GLCE: variants seen among roughly 807,000 people sequenced by gnomAD.
GLCE encodes the protein D-glucuronyl C5-epimerase.
GLCE carries 19 observed loss-of-function variants against 47.9 expected under a neutral mutation model. The observed-to-expected ratio is 0.40, with a 90% CI of 0.28 to 0.58. The LOEUF is 0.58. GLCE is among the 20% of genes least tolerant of loss of function. GLCE has a pLI of 0.48. For synonymous variants in GLCE, 245 were observed against 263.4 expected, an observed-to-expected ratio of 0.93 and a Z score of 0.68; for missense variants, 556 against 743.3, an observed-to-expected ratio of 0.75 and a Z score of 2.93.
chr15:69,192,067 A>T (rs1004934509), intron 1 of GLCE, among the ~76,000 whole-genome samples: 1 of 152,130 alleles, frequency 6.6e-6, no homozygotes, highest in Admixed American at 6.6e-5. Flanking sequence ...ATCCTGCTAG[A>T]TATTGCTTGA....
At chr15:69,255,513 G>C (rs1483173684) in intron 2 of GLCE, among the ~76,000 whole-genome samples, 1 of 152,056 alleles carries the variant, frequency 6.6e-6, no homozygotes, top group Non-Finnish European at 1.5e-5. Flanking sequence ...GGCCTAGGGG[G>C]CATTGTGAAA....
At chr15:69,192,545 T>C (rs1176935543) in intron 1 of GLCE, among the ~76,000 whole-genome samples, 1 of 152,138 alleles carries the variant, frequency 6.6e-6, no homozygotes, top group African/African-American at 2.4e-5. Flanking sequence ...TATTGACTGT[T>C]TTTCTAGTTC....
chr15:69,177,995 T>A (rs1566947914), intron 1 of GLCE, among the ~76,000 whole-genome samples: 1 of 152,246 alleles, frequency 6.6e-6, no homozygotes, highest in East Asian at 1.9e-4. Context: ...AAATTTATCA[T>A]TCATTTGCTG....
intron 4 of GLCE, among the ~76,000 whole-genome samples, chr15:69,264,627 T>C (rs1294172189): frequency 6.6e-6 from 1 of 152,168 alleles, no homozygotes; most frequent in African/African-American, 2.4e-5. Context: ...TGTTTCCTAA[T>C]GACTATGCCA....
chr15:69,261,555 TTGAA>T (rs928867750), intron 4 of GLCE, among the ~76,000 whole-genome samples: 1 of 152,164 alleles, frequency 6.6e-6, no homozygotes, highest in Non-Finnish European at 1.5e-5. Context: ...AAGCCATAGA[TTGAA>T]TGGTAAGGTC....
intron 2 of GLCE, among the ~76,000 whole-genome samples, chr15:69,254,604 G>A (rs1208752054): frequency 1.3e-5 from 2 of 152,136 alleles, no homozygotes; most frequent in South Asian, 2.1e-4. Flanking sequence ...TAATTTGAAG[G>A]TAGAACCAAC....
At chr15:69,166,496 C>T (rs2051503126) in intron 1 of GLCE, among the ~76,000 whole-genome samples, 1 of 152,186 alleles carries the variant, frequency 6.6e-6, no homozygotes, top group African/African-American at 2.4e-5. Context: ...ACCATTTAAT[C>T]CAACTCCTTC....
chr15:69,254,933 A>G (rs2052900224), intron 2 of GLCE, among the ~76,000 whole-genome samples: 1 of 152,178 alleles, frequency 6.6e-6, no homozygotes, highest in Admixed American at 6.5e-5. Flanking sequence ...AAGGTACTCT[A>G]ACATTTAAGA....
At chr15:69,215,286 T>C (rs923536829) in intron 2 of GLCE, among the ~76,000 whole-genome samples, 3 of 152,212 alleles carry the variant, frequency 2.0e-5, no homozygotes, top group African/African-American at 7.2e-5. Flanking sequence ...CCTTTAGTTA[T>C]TAGCCTTTTC....
intron 1 of GLCE, among the ~76,000 whole-genome samples, chr15:69,186,713 T>C (rs192354188): frequency 3.5e-4 from 53 of 152,354 alleles, no homozygotes; most frequent in African/African-American, 1.2e-3. Flanking sequence ...ACTTCTCAAG[T>C]ATTCCCTAGA....
Position 69,221,540 on chromosome 15 carries a change from T to A in GLCE, c.-14+11134T>A, listed in dbSNP as rs796746053. 4.8e-4 allele frequency among the ~76,000 whole-genome samples: 71 copies of A among 149,126 alleles called. 1 individual carries two copies. The highest frequency in any genetic ancestry group is 1.7e-3 in the African/African-American group (69 of 40,836). ...TTTTGTCATTTTCTTTTCAGATTGT[T>A]CATTGTTATTATATAGAAATTAACT... On this transcript the variant is annotated intron_variant, in intron 2 of 4. Transcript: ENST00000261858.
At chr15:69,217,103 C>T (rs190085426) in intron 2 of GLCE, among the ~76,000 whole-genome samples, 131 of 152,114 alleles carry the variant, frequency 8.6e-4, no homozygotes, top group African/African-American at 3.0e-3. Context: ...ATGATGATGA[C>T]AGTCTTTGAT....
At chr15:69,214,709 G>A (rs922900520) in intron 2 of GLCE, among the ~76,000 whole-genome samples, 2 of 151,930 alleles carry the variant, frequency 1.3e-5, no homozygotes, top group Non-Finnish European at 2.9e-5. Flanking sequence ...CTCCAGTTTT[G>A]CACCACAGGG....
intron 4 of GLCE, among the ~76,000 whole-genome samples, chr15:69,265,741 C>T (rs1041194448): frequency 3.9e-5 from 6 of 152,116 alleles, no homozygotes; most frequent in African/African-American, 1.2e-4. Context: ...AATGGGTACT[C>T]TTCCAGCTTC....
At chr15:69,235,090 A>ATTATTTTT (rs2052577156) in intron 2 of GLCE, among the ~76,000 whole-genome samples, 1 of 82,488 alleles carries the variant, frequency 1.2e-5, no homozygotes, top group African/African-American at 5.7e-5. Context: ...GATGAAGATT[A>ATTATTTTT]TTCTTTTTTT....
chr15:69,184,872 A>G (rs758450857), intron 1 of GLCE, among the ~76,000 whole-genome samples: 103 of 152,226 alleles, frequency 6.8e-4, no homozygotes, highest in Non-Finnish European at 1.2e-3. Flanking sequence ...GCTTCCTCCT[A>G]ACAGAAAGGA....
At chr15:69,258,798 A>G (rs1197540681) in intron 3 of GLCE, among the ~76,000 whole-genome samples, 1 of 152,192 alleles carries the variant, frequency 6.6e-6, no homozygotes, top group African/African-American at 2.4e-5. Context: ...AGTGAATAAA[A>G]TCTGGTATTT....
intron 1 of GLCE, among the ~76,000 whole-genome samples, chr15:69,186,268 T>C (rs1363308585): frequency 6.6e-6 from 1 of 151,864 alleles, no homozygotes; most frequent in Non-Finnish European, 1.5e-5. Context: ...CTGGGTAGAT[T>C]AAAGTCCTGC....
intron 1 of GLCE, among the ~76,000 whole-genome samples, chr15:69,191,808 TCTAAGGATAGCA>T (rs1303479209): frequency 4.6e-5 from 7 of 152,162 alleles, no homozygotes; most frequent in Admixed American, 2.6e-4. Context: ...AGTAGGCCTT[TCTAAGGATAGCA>T]CTCCTGAGCC....
Sources: gnomAD v4.1 joint callset for allele counts (sites outside exome capture counted in the v4.1 genomes callset) on GRCh38, gnomAD v4.1.1 for gene constraint, MANE v1.5 for transcripts, NCBI Gene and HGNC (gene_info 2026-07-23, HGNC 2026-07-21) for gene names.